The following PCDHGA4 variants were observed in gnomAD, a reference collection of about 807,000 sequenced individuals.
PCDHGA4 encodes protocadherin gamma subfamily A, 4, also known as protocadherin gamma-A4.
In PCDHGA4, 38 loss-of-function variants were observed where a neutral mutation model predicts 54.6. The observed-to-expected ratio is 0.70, with a 90% CI of 0.54 to 0.91. PCDHGA4 has a LOEUF of 0.91. Among genes scored for constraint, PCDHGA4 ranks in the 40% least tolerant of loss-of-function variants. PCDHGA4 has a pLI of 0.00. For synonymous variants in PCDHGA4, 511 were observed against 512.9 expected (o/e 1.00, Z 0.05); for missense variants, 1,298 against 1,220.9 (o/e 1.06, Z -0.94).
At chr5:141,427,693 C>G in intron 1 of PCDHGA4, 1 of 909,726 alleles carries the variant, frequency 1.1e-6, no homozygotes, top group Non-Finnish European at 1.8e-6. Flanking sequence ...GCCTCCATCC[C>G]ACAAGTCAGC....
Position 141,486,955 on chromosome 5 carries a change from T to A in PCDHGA4, c.2515-7852T>A, listed in dbSNP as rs1459820579. 1.9e-6 allele frequency: 3 copies of A among 1,614,128 alleles called. No individual in the cohort carries two copies. The highest frequency in any genetic ancestry group is 2.5e-6 in the Non-Finnish European group (3 of 1,180,048). ...CTGGCCACCTAATCACAAAGGTGACTGCTGTGGACTTGGATTCAGGTTACA... is the reference window on the plus strand; with the variant it reads ...CTGGCCACCTAATCACAAAGGTGACAGCTGTGGACTTGGATTCAGGTTACA... On this transcript the variant is annotated intron_variant, in intron 1 of 3. Coordinates refer to ENST00000571252, the MANE Select transcript of PCDHGA4 (RefSeq NM_018917.4). This position sits in a 1 kb window ranked among gnomAD's most constrained non-coding sequence, Gnocchi z 5.0.
chr5:141,455,158 T>TG (rs1279537888), intron 1 of PCDHGA4, among the ~76,000 whole-genome samples: 46 of 145,032 alleles, frequency 3.2e-4, no homozygotes, highest in African/African-American at 1.0e-3. Flanking sequence ...ATTAGTTTGT[T>TG]GGTTTTTTTT....
rs533568792 is a variant in PCDHGA4 at position 141,393,506 on chromosome 5, A to G, written c.2514+35885A>G. The G allele has an allele frequency of 7.4e-6, 12 of 1,614,032 alleles. No individual in the cohort carries two copies. The East Asian group carries it at 2.5e-4, about 33-fold the overall frequency. ...CTAGCACAGTGCGCATCCACGTGAC[A>G]GTGTTGGATACAAATGACAATGCCC... On this transcript the variant is annotated intron_variant, in intron 1 of 3. Transcript: ENST00000571252.
intron 1 of PCDHGA4, chr5:141,361,829 C>T (rs1404954356): frequency 4.3e-6 from 7 of 1,612,986 alleles, no homozygotes; most frequent in Non-Finnish European, 5.9e-6. Flanking sequence ...GTGCTGTACC[C>T]CGCGCTGGGG....
chr5:141,473,238 G>A (rs1265577738), intron 1 of PCDHGA4, among the ~76,000 whole-genome samples: 4 of 152,200 alleles, frequency 2.6e-5, no homozygotes, highest in Admixed American at 6.5e-5. Context: ...ATCCACACAA[G>A]TGAATACATA....
At chr5:141,414,334 A>C in intron 1 of PCDHGA4, 1 of 1,613,782 alleles carries the variant, frequency 6.2e-7, no homozygotes, top group Non-Finnish European at 8.5e-7. Flanking sequence ...TGGACAGGTA[A>C]CCTGTTCCAT....
At chr5:141,375,326 G>A in intron 1 of PCDHGA4, 2 of 1,613,776 alleles carry the variant, frequency 1.2e-6, no homozygotes, top group Non-Finnish European at 1.7e-6. Flanking sequence ...CCGGGAAGAG[G>A]TATTCTTGTA....
At position 141,370,593 on chromosome 5, in the gene PCDHGA4, C is replaced by T. The variant is rs373364003; in HGVS notation, c.2514+12972C>T. On this transcript the variant is annotated intron_variant, in intron 1 of 3. Coordinates refer to ENST00000571252, the MANE Select transcript of PCDHGA4 (RefSeq NM_018917.4). ...GGGGGATTTACCTACTAGGAACCTG[C>T]GGGTTATTGCAGAGAAGAAATTCTT... is the stretch of plus-strand genomic sequence containing the variant. 26 of 1,613,708 alleles carry T rather than the reference C, an allele frequency of 1.6e-5. No homozygotes were observed. The African/African-American group carries it at 2.8e-4, about 17-fold the overall frequency.
intron 1 of PCDHGA4, chr5:141,366,152 C>G: frequency 1.2e-6 from 2 of 1,614,138 alleles, no homozygotes; most frequent in Non-Finnish European, 1.7e-6. Context: ...GTCCTACCGC[C>G]TGCTTAAGGC....
In PCDHGA4 at chr5:141,491,406, C is replaced by G. The variant is rs773729429; in HGVS notation, c.2515-3401C>G. On this transcript the variant is annotated intron_variant, in intron 1 of 3. Transcript: ENST00000571252. This position sits in a 1 kb window ranked among gnomAD's most constrained non-coding sequence, Gnocchi z 6.9. ...CGAAGTGCCTTCAGGGAAACGCAGA[C>G]GGGGACGGGGGTGGAGGGCAGTGCT... 9 of 1,613,978 alleles carry G rather than the reference C, an allele frequency of 5.6e-6. No homozygotes were observed.
At chr5:141,415,014 C>G (rs747951360) in intron 1 of PCDHGA4, 1 of 1,613,502 alleles carries the variant, frequency 6.2e-7, no homozygotes, top group African/African-American at 1.3e-5. Flanking sequence ...ACCGTCTGCT[C>G]AAGGCCAGCG....
intron 1 of PCDHGA4, chr5:141,400,636 G>C: frequency 7.5e-7 from 1 of 1,325,762 alleles, no homozygotes; most frequent in Non-Finnish European, 1.1e-6. Context: ...AGTCAGAGCT[G>C]CTCAGAAAGC....
intron 1 of PCDHGA4, chr5:141,421,105 G>A: frequency 1.4e-6 from 1 of 700,910 alleles, no homozygotes; most frequent in Non-Finnish European, 2.3e-6. Context: ...TGGAGACTTA[G>A]AAGTATTTTC....
intron 1 of PCDHGA4, chr5:141,408,089 G>C: frequency 7.0e-7 from 1 of 1,424,386 alleles, no homozygotes; most frequent in Non-Finnish European, 9.2e-7. Flanking sequence ...ACAGCGGATT[G>C]CCAGCTCCGA....
chr5:141,422,296 A>C, intron 1 of PCDHGA4: 1 of 1,550,706 alleles, frequency 6.4e-7, no homozygotes, highest in South Asian at 1.3e-5. Context: ...TATTAATTCA[A>C]TTCTGGAAAA....
intron 1 of PCDHGA4, among the ~76,000 whole-genome samples, chr5:141,368,118 A>C (rs896059920): frequency 6.6e-6 from 1 of 152,226 alleles, no homozygotes; most frequent in Non-Finnish European, 1.5e-5. Context: ...TCTTATTAAA[A>C]TATTCTTAAT....
intron 1 of PCDHGA4, chr5:141,394,137 G>A (rs1406338034): frequency 6.2e-6 from 10 of 1,613,902 alleles, no homozygotes; most frequent in East Asian, 2.2e-5. Context: ...CGCTCTGCAC[G>A]TGGCAGACAT....
chr5:141,410,849 CTTTTTTTTT>C (rs759346998), intron 1 of PCDHGA4: 2 of 136,714 alleles, frequency 1.5e-5, no homozygotes, highest in African/African-American at 6.3e-5. Context: ...TTGTCTTTGT[CTTTTTTTTT>C]TTTTTTTTTT....
chr5:141,405,704 C>T (rs1589592020), intron 1 of PCDHGA4, among the ~76,000 whole-genome samples: 1 of 152,286 alleles, frequency 6.6e-6, no homozygotes, highest in East Asian at 1.9e-4. Context: ...TCTTGAATTC[C>T]TAACCTCAAG....
Sources: gnomAD v4.1 joint callset for allele counts (sites outside exome capture counted in the v4.1 genomes callset) on GRCh38, gnomAD v4.1.1 for gene constraint, Gnocchi (gnomAD v3.1) non-coding constraint, MANE v1.5 for transcripts, NCBI Gene and HGNC (gene_info 2026-07-23, HGNC 2026-07-21) for gene names.